The following OMA1 variants were observed in gnomAD, a reference collection of about 807,000 sequenced individuals.
OMA1 encodes metalloendopeptidase OMA1, mitochondrial.
In OMA1, 38 loss-of-function variants were observed where a neutral mutation model predicts 30.9. That is an observed-to-expected ratio of 1.23 (90% CI 0.95 to 1.61). The LOEUF (loss-of-function observed/expected upper bound fraction) is 1.61. OMA1 is among the 40% of genes most tolerant of loss of function. The pLI is 0.00. For missense variants in OMA1, 461 were observed against 349.2 expected (o/e 1.32, Z -2.55); for synonymous variants, 173 against 121.9 (o/e 1.42, Z -2.76).
rs67922378 is a variant in OMA1 at position 58,480,867 on chromosome 1, C to CT, written c.*97dup. The CT allele has an allele frequency of 0.17, 101,467 of 599,382 alleles. 4,083 individuals carry two copies. The highest frequency in any genetic ancestry group is 0.24 in the African/African-American group (12,523 of 53,188). The allele number at this position is 599,382 out of a possible 1,614,324, so 37.1% of individuals were successfully genotyped here. ...TGTACATGATTTGACCCTGAATATC[C>CT]TTTTTTTTTTCACTTCAAACATCAT... On this transcript the variant is annotated 3_prime_UTR_variant, in exon 9 of 9. Transcript: ENST00000371226.
chr1:58,523,296 T>G (rs1455138089), intron 7 of OMA1, among the ~76,000 whole-genome samples: 2 of 152,242 alleles, frequency 1.3e-5, no homozygotes, highest in Admixed American at 6.5e-5. Context: ...AACATCTGGA[T>G]AGTTTGCTTC....
chr1:58,491,478 T>C (rs1015266666), intron 8 of OMA1, among the ~76,000 whole-genome samples: 68 of 152,172 alleles, frequency 4.5e-4, no homozygotes, highest in African/African-American at 1.6e-3. Flanking sequence ...GCAAATTGGA[T>C]AAAGAGTCAA....
At chr1:58,534,866 G>A (rs1021396055) in intron 3 of OMA1, among the ~76,000 whole-genome samples, 2 of 152,194 alleles carry the variant, frequency 1.3e-5, no homozygotes, top group Admixed American at 6.5e-5. Flanking sequence ...AGTCTAGGAG[G>A]TGGAGGTTGC....
chr1:58,545,755 T>C (rs956534462), intron 1 of OMA1, among the ~76,000 whole-genome samples: 2 of 152,184 alleles, frequency 1.3e-5, no homozygotes, highest in African/African-American at 4.8e-5. Context: ...TTGCTGAAAA[T>C]GACTATTTCT....
chr1:58,523,005 T>C (rs11805701), intron 7 of OMA1, among the ~76,000 whole-genome samples: 20,215 of 152,190 alleles, frequency 0.13, 1,481 homozygotes, highest in African/African-American at 0.19. Context: ...TAATTTCTGT[T>C]GTAAAATAAG....
chr1:58,513,702 T>C (rs1242326158), intron 7 of OMA1, among the ~76,000 whole-genome samples: 1 of 152,190 alleles, frequency 6.6e-6, no homozygotes, highest in Non-Finnish European at 1.5e-5. Context: ...TTATTAACAG[T>C]CACTTATATG....
intron 8 of OMA1, among the ~76,000 whole-genome samples, chr1:58,499,780 ATTAG>A (rs3082758): frequency 0.12 from 17,591 of 151,906 alleles, 1,196 homozygotes; most frequent in African/African-American, 0.18. Context: ...AATTTTAAAA[ATTAG>A]TTAAAGTAAA....
At chr1:58,486,836 G>T (rs1645583245) in intron 8 of OMA1, among the ~76,000 whole-genome samples, 1 of 152,160 alleles carries the variant, frequency 6.6e-6, no homozygotes, top group East Asian at 1.9e-4. Context: ...CTGTAAGGAG[G>T]ACACTAGCTT....
At chr1:58,481,650 T>G (rs907695822) in intron 8 of OMA1, among the ~76,000 whole-genome samples, 1 of 152,190 alleles carries the variant, frequency 6.6e-6, no homozygotes, top group African/African-American at 2.4e-5. Flanking sequence ...GGTTTGCATA[T>G]GTCTCCACCC....
rs144495866 is a variant in OMA1, at chr1:58,526,819, C to T, written c.1215+442G>A. Among the ~76,000 whole-genome samples the T allele has an allele frequency of 5.9e-5, 9 of 152,128 alleles. No homozygotes were observed. The East Asian group carries it at 1.7e-3, about 29-fold the overall frequency. On this transcript the variant is annotated intron_variant, in intron 7 of 8. Coordinates refer to ENST00000371226, the MANE Select transcript of OMA1 (RefSeq NM_145243.5). The stretch of plus-strand genomic sequence containing the variant: ...AAGCAAGGGGTAAAATATTGGAGTA[C>T]TGGAGTAAAATAAAGAGATAGCATT...
chr1:58,533,930 G>A (rs762846729), intron 5 of OMA1, 23 bp downstream of exon 5: 8 of 867,130 alleles, frequency 9.2e-6, no homozygotes, highest in Admixed American at 1.7e-5. Context: ...TTCCAAACCT[G>A]AACATTCATT....
chr1:58,525,378 T>C (rs755098883), intron 7 of OMA1, among the ~76,000 whole-genome samples: 50 of 152,046 alleles, frequency 3.3e-4, no homozygotes, highest in Non-Finnish European at 6.0e-4. Flanking sequence ...TGTATACAGA[T>C]TGGAAAGGAA....
At position 58,506,096 on chromosome 1, in the gene OMA1, G is replaced by T. The variant is rs764816646; in HGVS notation, c.1329C>A (p.Gly443=). 2.3e-6 allele frequency: 2 copies of T among 871,794 alleles called. No individual in the cohort carries two copies. The highest frequency in any genetic ancestry group is 1.7e-5 in the Admixed American group (1 of 59,162). The allele number at this position is 871,794 out of a possible 1,614,324, so 54.0% of individuals were successfully genotyped here. A position where few individuals can be genotyped will look rare whatever the true frequency, so the allele number is the denominator to read the frequency against. ...GTCTATCCAAGTACTCAACTCGATT[G>T]CCATGAGAAGGGTGTGTAGATAACC... ...PEWLSTHPSH[G]NRVEYLDRLI... is the part of the protein sequence containing the mutation. The change falls in exon 8 of 9, where the codon GGC becomes GGA. Residue 443 remains glycine (G), a synonymous_variant. Coordinates refer to ENST00000371226, the MANE Select transcript of OMA1 (RefSeq NM_145243.5).
intron 7 of OMA1, among the ~76,000 whole-genome samples, chr1:58,526,593 A>G (rs544379954): frequency 1.6e-4 from 18 of 112,628 alleles, no homozygotes; most frequent in African/African-American, 5.0e-4. Context: ...GCTGCTCTCT[A>G]TGGCTAGCAA....
chr1:58,486,958 G>T (rs1645586275), intron 8 of OMA1, among the ~76,000 whole-genome samples: 1 of 152,210 alleles, frequency 6.6e-6, no homozygotes, highest in Admixed American at 6.5e-5. Context: ...GTGCCTGGAA[G>T]ACATAGGAAG....
chr1:58,514,553 T>G (rs1375122187), intron 7 of OMA1, among the ~76,000 whole-genome samples: 1 of 152,128 alleles, frequency 6.6e-6, no homozygotes, highest in South Asian at 2.1e-4. Flanking sequence ...AATCTGAATC[T>G]TTTTTTAGGA....
intron 1 of OMA1, among the ~76,000 whole-genome samples, chr1:58,545,607 G>A (rs1297555000): frequency 1.3e-5 from 2 of 152,160 alleles, no homozygotes; most frequent in Admixed American, 6.5e-5. Context: ...TTAATGATGT[G>A]AGAAAATTAA....
intron 6 of OMA1, among the ~76,000 whole-genome samples, chr1:58,529,450 G>A (rs1214786998): frequency 6.6e-6 from 1 of 152,190 alleles, no homozygotes; most frequent in Non-Finnish European, 1.5e-5. Context: ...TGGACAAAAT[G>A]AGGCACTCAA....
rs775243800 is a variant in OMA1, at chr1:58,481,033, T to C, written c.1507A>G (p.Thr503Ala). 2.3e-6 allele frequency: 2 copies of C among 871,848 alleles called. No homozygotes were observed. Among genetic ancestry groups the C allele is most frequent in the African/African-American group, 1.6e-5 (1 of 61,290 alleles). 54.0% of individuals were successfully genotyped at this position (871,848 alleles called of 1,614,324 possible). A position where few individuals can be genotyped will look rare whatever the true frequency, so the allele number is the denominator to read the frequency against. ...TGCTCCTGTTTTTGAATAGGAAGAG[T>C]ATCCATTTTCTGTTTCTTCGTGATA... ...LNITKKQKMD[T>A]LPIQKQEQIP... is the part of the protein sequence containing the mutation. Residue 503 changes from threonine (T) to alanine (A), a missense_variant, in exon 9 of 9, where the codon ACT becomes GCT. Transcript: ENST00000371226.
Sources: allele counts gnomAD v4.1 joint callset (sites outside exome capture counted in the v4.1 genomes callset), GRCh38; gene constraint gnomAD v4.1.1; transcripts MANE v1.5; gene names NCBI Gene and HGNC (gene_info 2026-07-23, HGNC 2026-07-21).